The following NEO1 variants were observed in gnomAD, a reference collection of about 807,000 sequenced individuals.
The protein encoded by NEO1 is neogenin.
Under a neutral mutation model 159.7 loss-of-function variants are expected in NEO1, and 63 were observed. That is an observed-to-expected ratio of 0.39 (90% CI 0.32 to 0.49). The LOEUF is 0.49. Among genes scored for constraint, NEO1 ranks in the 20% least tolerant of loss-of-function variants. The pLI, the probability that NEO1 is intolerant of heterozygous loss-of-function variation, is 0.85. For synonymous variants in NEO1, 633 were observed against 662.0 expected (o/e 0.96, Z 0.67); for missense variants, 1,615 against 1,831.0 (o/e 0.88, Z 2.15).
At chr15:73,245,358 G>A (rs2039732063) in intron 9 of NEO1, among the ~76,000 whole-genome samples, 1 of 152,006 alleles carries the variant, frequency 6.6e-6, no homozygotes, top group Admixed American at 6.6e-5. Flanking sequence ...TGCTAAATAG[G>A]GTTACTTCTA....
intron 1 of NEO1, among the ~76,000 whole-genome samples, chr15:73,058,294 A>T (rs1018867733): frequency 2.6e-5 from 4 of 152,184 alleles, no homozygotes; most frequent in Non-Finnish European, 5.9e-5. Flanking sequence ...GAGGAAGATG[A>T]CAATTTCTTC....
chr15:73,144,906 A>T (rs1177474008), intron 5 of NEO1, among the ~76,000 whole-genome samples: 3 of 152,058 alleles, frequency 2.0e-5, no homozygotes, highest in Admixed American at 6.5e-5. Flanking sequence ...AGTTCATTAG[A>T]TTCTCTTTCT....
At chr15:73,278,368 G>A (rs1300377345) in intron 22 of NEO1, among the ~76,000 whole-genome samples, 169 bp downstream of exon 22, 1 of 151,926 alleles carries the variant, frequency 6.6e-6, no homozygotes, top group Non-Finnish European at 1.5e-5. Context: ...CCCATGTGTC[G>A]TAGGACCCAT....
Position 73,067,344 on chromosome 15 carries a change from A to G in NEO1, c.130+14539A>G, listed in dbSNP as rs570680600. Among the ~76,000 whole-genome samples, 5 of 152,178 alleles carry G rather than the reference A, an allele frequency of 3.3e-5. No individual in the cohort carries two copies. In the East Asian group the frequency reaches 7.7e-4, roughly 24 times the overall value. On this transcript the variant is annotated intron_variant, in intron 1 of 28. Transcript: ENST00000261908. ...TTTTGCTCCAGTTGATAGAACAATC[A>G]TTCTTTTAGCTTCTAGGTCTTTTCA...
intron 28 of NEO1, among the ~76,000 whole-genome samples, chr15:73,302,384 G>C (rs1462883905): frequency 2.0e-5 from 3 of 152,188 alleles, no homozygotes; most frequent in Non-Finnish European, 4.4e-5. Flanking sequence ...TTGTGACCCT[G>C]GGGAGTATGT....
intron 11 of NEO1, among the ~76,000 whole-genome samples, chr15:73,250,508 AGACT>A (rs1443296454): frequency 2.0e-5 from 3 of 152,224 alleles, no homozygotes; most frequent in Non-Finnish European, 2.9e-5. Context: ...ATAAAAGAAC[AGACT>A]GACATCACGT....
rs564920463 is a variant in NEO1, at chr15:73,183,243, A to G, written c.1291+4816A>G. On this transcript the variant is annotated intron_variant, in intron 7 of 28. Coordinates refer to ENST00000261908, the MANE Select transcript of NEO1 (RefSeq NM_002499.4). ...AGAGAGGCCTTTGTGCCTGGGAGAC[A>G]GGACAAAGGCCTTCCCATTTACTCA... 3.3e-5 allele frequency among the ~76,000 whole-genome samples: 5 copies of G among 152,240 alleles called. No homozygotes were observed. In the South Asian group the frequency reaches 1.0e-3, roughly 32 times the overall value.
Position 73,052,616 on chromosome 15 carries a change from G to C in NEO1, c.-60G>C. On this transcript the variant is annotated 5_prime_UTR_variant, in exon 1 of 29. Coordinates refer to ENST00000261908, the MANE Select transcript of NEO1 (RefSeq NM_002499.4). ...GGGACCGGCTGAGGCGCGCGGGAGGGAAGGAGGCAAGGGCTCCGCGGCGCT... is the reference window on the plus strand; with the variant it reads ...GGGACCGGCTGAGGCGCGCGGGAGGCAAGGAGGCAAGGGCTCCGCGGCGCT... 9.2e-7 allele frequency: 1 copy of C among 1,090,382 alleles called. No homozygotes were observed. The highest frequency in any genetic ancestry group is 1.1e-6 in the Non-Finnish European group (1 of 872,798). 67.5% of individuals were successfully genotyped at this position (1,090,382 alleles called of 1,614,324 possible). A position where few individuals can be genotyped will look rare whatever the true frequency, so the allele number is the denominator to read the frequency against.
At chr15:73,188,492 C>T (rs1474856334) in intron 7 of NEO1, among the ~76,000 whole-genome samples, 1 of 152,106 alleles carries the variant, frequency 6.6e-6, no homozygotes, top group Non-Finnish European at 1.5e-5. Flanking sequence ...TAAGGTTGTA[C>T]TATAATTATT....
intron 22 of NEO1, among the ~76,000 whole-genome samples, chr15:73,279,643 C>A (rs1360404798): frequency 1.3e-5 from 2 of 152,142 alleles, no homozygotes; most frequent in Non-Finnish European, 1.5e-5. Context: ...GCCACCACGC[C>A]CGGGGCCCGC....
At chr15:73,199,235 A>C (rs774046956) in intron 7 of NEO1, among the ~76,000 whole-genome samples, 4 of 151,374 alleles carry the variant, frequency 2.6e-5, no homozygotes, top group Non-Finnish European at 4.4e-5. Flanking sequence ...TGAGAGGAAG[A>C]CCACAGAGAT....
intron 22 of NEO1, among the ~76,000 whole-genome samples, chr15:73,280,625 C>T (rs1279431966): frequency 6.6e-6 from 1 of 152,046 alleles, no homozygotes; most frequent in Non-Finnish European, 1.5e-5. Context: ...ACAGTATGGT[C>T]CATTTTAGTG....
chr15:73,120,257 T>C (rs916517091), intron 2 of NEO1, among the ~76,000 whole-genome samples: 2 of 151,974 alleles, frequency 1.3e-5, no homozygotes, highest in Admixed American at 1.3e-4. Flanking sequence ...TGTTTATCTT[T>C]GTTAATTCTT....
chr15:73,147,862 G>T (rs1029090530), intron 5 of NEO1, among the ~76,000 whole-genome samples: 1 of 150,884 alleles, frequency 6.6e-6, no homozygotes, highest in Non-Finnish European at 1.5e-5. Flanking sequence ...CGCCCAGGCT[G>T]GAGTGCAGTT....
At chr15:73,245,311 T>A (rs1304793513) in intron 9 of NEO1, among the ~76,000 whole-genome samples, 3 of 152,194 alleles carry the variant, frequency 2.0e-5, no homozygotes, top group Admixed American at 2.0e-4. Context: ...CTCTTTAGAA[T>A]CTCCTTGAGG....
chr15:73,104,131 G>A (rs2070551967), intron 1 of NEO1, among the ~76,000 whole-genome samples: 1 of 152,096 alleles, frequency 6.6e-6, no homozygotes, highest in Admixed American at 6.6e-5. Flanking sequence ...CAAAGTGCTG[G>A]GATTACAGGT....
intron 1 of NEO1, among the ~76,000 whole-genome samples, chr15:73,058,454 T>G (rs898035895): frequency 6.6e-6 from 1 of 152,194 alleles, no homozygotes; most frequent in Non-Finnish European, 1.5e-5. Flanking sequence ...TGCTGCTAAT[T>G]GTGTATTCTC....
intron 7 of NEO1, among the ~76,000 whole-genome samples, chr15:73,183,706 G>A (rs1316026543): frequency 6.6e-6 from 1 of 152,060 alleles, no homozygotes; most frequent in South Asian, 2.1e-4. Flanking sequence ...AGCACAGAGG[G>A]ATATCCTGTG....
chr15:73,068,233 C>T (rs1195410473), intron 1 of NEO1, among the ~76,000 whole-genome samples: 9 of 136,564 alleles, frequency 6.6e-5, no homozygotes, highest in Non-Finnish European at 1.4e-4. Flanking sequence ...ACCCCCCCCC[C>T]TTTTTTTTTG....
Sources: gnomAD v4.1 joint callset for allele counts (sites outside exome capture counted in the v4.1 genomes callset) on GRCh38, gnomAD v4.1.1 for gene constraint, MANE v1.5 for transcripts, NCBI Gene and HGNC (gene_info 2026-07-23, HGNC 2026-07-21) for gene names.